GPC5: variants seen among roughly 807,000 people sequenced by gnomAD.
The protein encoded by GPC5 is glypican 5.
A neutral mutation model predicts 53.9 loss-of-function variants in GPC5; 47 were observed. The observed-to-expected ratio is 0.87, with a 90% CI of 0.69 to 1.11. GPC5 has a LOEUF of 1.11. GPC5 is among the 50% of genes most tolerant of loss of function. GPC5 has a pLI of 0.00. For synonymous variants in GPC5, 286 were observed against 263.3 expected (o/e 1.09, Z -0.84); for missense variants, 748 against 713.1 (o/e 1.05, Z -0.56).
At chr13:92,507,387 G>A (rs1880410328) in intron 7 of GPC5, among the ~76,000 whole-genome samples, 1 of 152,160 alleles carries the variant, frequency 6.6e-6, no homozygotes, top group Admixed American at 6.5e-5. Flanking sequence ...ATGAATGAAT[G>A]AATTTAGCTT....
chr13:92,464,947 A>G (rs981884675), intron 7 of GPC5, among the ~76,000 whole-genome samples: 3 of 151,910 alleles, frequency 2.0e-5, no homozygotes, highest in Non-Finnish European at 4.4e-5. Flanking sequence ...ATATCTATAC[A>G]TATTAAAACT....
chr13:92,018,947 A>G (rs1189343383), intron 6 of GPC5, among the ~76,000 whole-genome samples: 1 of 152,082 alleles, frequency 6.6e-6, no homozygotes, highest in Non-Finnish European at 1.5e-5. Context: ...AGGCACACTA[A>G]CGGTTTCATT....
At chr13:92,104,769 C>G (rs1346531435) in intron 6 of GPC5, among the ~76,000 whole-genome samples, 1 of 151,868 alleles carries the variant, frequency 6.6e-6, no homozygotes, top group Non-Finnish European at 1.5e-5. Flanking sequence ...AGTTTTAATC[C>G]AGATCTTTGT....
At chr13:92,109,341 A>G (rs1249731214) in intron 6 of GPC5, among the ~76,000 whole-genome samples, 2 of 152,130 alleles carry the variant, frequency 1.3e-5, no homozygotes, top group African/African-American at 4.8e-5. Context: ...TGCCAGGATT[A>G]TAGGCAGAAG....
chr13:91,930,625 A>G (rs961652814), intron 6 of GPC5, among the ~76,000 whole-genome samples: 4 of 151,988 alleles, frequency 2.6e-5, no homozygotes, highest in Admixed American at 6.6e-5. Flanking sequence ...CACCTAACAC[A>G]TGGCAGCCCA....
At chr13:92,076,573 T>TC (rs1031932377) in intron 6 of GPC5, among the ~76,000 whole-genome samples, 3 of 151,896 alleles carry the variant, frequency 2.0e-5, no homozygotes, top group African/African-American at 7.3e-5. Flanking sequence ...GATTTTTTTT[T>TC]TTTTATCTTG....
intron 7 of GPC5, among the ~76,000 whole-genome samples, chr13:92,670,084 T>C (rs932662108): frequency 1.3e-5 from 2 of 152,210 alleles, no homozygotes; most frequent in African/African-American, 4.8e-5. Context: ...AGCACAGTCC[T>C]TAGCATATGG....
intron 7 of GPC5, among the ~76,000 whole-genome samples, chr13:92,331,987 A>G (rs1014637188): frequency 5.3e-5 from 8 of 152,180 alleles, no homozygotes; most frequent in African/African-American, 1.9e-4. Context: ...GTTTTCAACA[A>G]TACAGAAGCA....
intron 7 of GPC5, among the ~76,000 whole-genome samples, chr13:92,161,238 T>C (rs2041985867): frequency 6.6e-6 from 1 of 152,132 alleles, no homozygotes; most frequent in Admixed American, 6.5e-5. Context: ...CCAGAAATAG[T>C]GAATCAACAT....
intron 6 of GPC5, among the ~76,000 whole-genome samples, chr13:91,998,178 G>A (rs780117874): frequency 3.9e-5 from 6 of 152,104 alleles, no homozygotes; most frequent in Non-Finnish European, 7.3e-5. Context: ...CTTACTGCCC[G>A]TGTAGGGCTG....
chr13:91,655,493 CATAAA>C (rs1293617554), intron 2 of GPC5, among the ~76,000 whole-genome samples: 11 of 151,922 alleles, frequency 7.2e-5, no homozygotes, highest in Middle Eastern at 6.8e-3. Flanking sequence ...AAGCTTAAAT[CATAAA>C]ATAAAATCTC....
Position 92,073,482 on chromosome 13 carries a change from T to C in GPC5, c.1402-71348T>C, listed in dbSNP as rs577916852. Among the ~76,000 whole-genome samples, 233 of 152,364 alleles carry C rather than the reference T, an allele frequency of 1.5e-3. 2 individuals are homozygous for C. Among genetic ancestry groups the C allele is most frequent in the African/African-American group, 5.3e-3 (220 of 41,582 alleles). The stretch of plus-strand genomic sequence containing the variant: ...ACAAATGTAGGGCCTTCTGTGTCTT[T>C]AATATTGGACTTTCTATGTCATACA... On this transcript the variant is annotated intron_variant, in intron 6 of 7. Transcript: ENST00000377067.
rs529026309 is a variant in GPC5 at position 92,253,504 on chromosome 13, G to C, written c.1561+108515G>C. 1.4e-4 allele frequency among the ~76,000 whole-genome samples: 21 copies of C among 152,194 alleles called. No individual in the cohort carries two copies. In the South Asian group the frequency reaches 4.3e-3, roughly 32 times the overall value. On this transcript the variant is annotated intron_variant, in intron 7 of 7. Coordinates refer to ENST00000377067, the MANE Select transcript of GPC5 (RefSeq NM_004466.6). ...ATTAGCAGTTAGTCATGCAGATAAG[G>C]AAAGAGTAGTCACCTGTGTGTAGTG...
intron 1 of GPC5, among the ~76,000 whole-genome samples, chr13:91,420,923 C>T (rs1185981137): frequency 6.6e-6 from 1 of 152,174 alleles, no homozygotes; most frequent in African/African-American, 2.4e-5. Context: ...ATTATCTAGT[C>T]TTGGGTAGTA....
At chr13:91,481,951 C>T (rs564118048) in intron 2 of GPC5, among the ~76,000 whole-genome samples, 13 of 152,278 alleles carry the variant, frequency 8.5e-5, no homozygotes, top group African/African-American at 2.4e-4. Context: ...GACACTCTTT[C>T]GCATTACACC....
intron 7 of GPC5, among the ~76,000 whole-genome samples, chr13:92,280,505 C>G (rs2042906989): frequency 6.6e-6 from 1 of 152,178 alleles, no homozygotes; most frequent in Non-Finnish European, 1.5e-5. Flanking sequence ...AGTTTCCCTT[C>G]AAGCACTACT....
In GPC5 at chr13:91,500,128, G is replaced by A. The variant is rs973673345; in HGVS notation, c.325+51206G>A. Among the ~76,000 whole-genome samples the A allele has an allele frequency of 5.9e-5, 9 of 152,130 alleles. No homozygotes were observed. In the South Asian group the frequency reaches 1.5e-3, roughly 25 times the overall value. ...GTATCAAATAGACTTCCACTCTTAT[G>A]CTCCTCATTTTATTTAACACCACTG... On this transcript the variant is annotated intron_variant, in intron 2 of 7. Transcript: ENST00000377067.
Position 92,756,780 on chromosome 13 carries a change from T to G in GPC5, c.1562-109502T>G, listed in dbSNP as rs1182407158. Among the ~76,000 whole-genome samples, 87 of 149,486 alleles carry G rather than the reference T, an allele frequency of 5.8e-4. 1 individual carries two copies. Among genetic ancestry groups the G allele is most frequent in the African/African-American group, 2.0e-3 (83 of 40,508 alleles). On this transcript the variant is annotated intron_variant, in intron 7 of 7. Transcript: ENST00000377067. ...CTAGGAATCCAACTTACAAGGGATG[T>G]GAAGGACCTCTTCAAGGAGAACTAC...
At chr13:92,122,358 T>C (rs1423897463) in intron 6 of GPC5, among the ~76,000 whole-genome samples, 2 of 151,880 alleles carry the variant, frequency 1.3e-5, no homozygotes, top group African/African-American at 4.8e-5. Context: ...AAGGCTCAGA[T>C]GTCCGAAACT....
Sources: allele counts gnomAD v4.1 joint callset (sites outside exome capture counted in the v4.1 genomes callset), GRCh38; gene constraint gnomAD v4.1.1; transcripts MANE v1.5; gene names NCBI Gene and HGNC (gene_info 2026-07-23, HGNC 2026-07-21).